The following FKBP5 variants were observed in gnomAD, a reference collection of about 807,000 sequenced individuals.
The protein encoded by FKBP5 is peptidyl-prolyl cis-trans isomerase FKBP5.
Under a neutral mutation model 50.5 loss-of-function variants are expected in FKBP5, and 23 were observed. The ratio of observed to expected loss-of-function variants is 0.46; its 90% CI spans 0.33 to 0.65. FKBP5 has a LOEUF of 0.65. FKBP5 is among the 30% of genes least tolerant of loss of function. FKBP5 has a pLI of 0.02. For missense variants in FKBP5, 411 were observed against 553.1 expected, an observed-to-expected ratio of 0.74 and a Z score of 2.58; for synonymous variants, 176 against 190.6, an observed-to-expected ratio of 0.92 and a Z score of 0.63.
At chr6:35,621,706 G>A (rs1424244456) in intron 3 of FKBP5, among the ~76,000 whole-genome samples, 3 of 151,700 alleles carry the variant, frequency 2.0e-5, no homozygotes, top group Non-Finnish European at 4.4e-5. Flanking sequence ...ACGTTGGCTC[G>A]CGCCTGTAAT....
At chr6:35,634,058 C>G (rs772793918) in intron 3 of FKBP5, among the ~76,000 whole-genome samples, 1 of 152,010 alleles carries the variant, frequency 6.6e-6, no homozygotes, top group Non-Finnish European at 1.5e-5. Flanking sequence ...ACTCATTCAC[C>G]ATAGTGTTTT....
chr6:35,679,122 T>C (rs1765599772), intron 1 of FKBP5, among the ~76,000 whole-genome samples: 1 of 152,170 alleles, frequency 6.6e-6, no homozygotes, highest in Admixed American at 6.6e-5. Context: ...ATGTCAGTAA[T>C]TAATGAATCT....
At chr6:35,626,205 T>C (rs1023276120) in intron 3 of FKBP5, among the ~76,000 whole-genome samples, 2 of 152,186 alleles carry the variant, frequency 1.3e-5, no homozygotes, top group Admixed American at 6.5e-5. Context: ...TATACAAATG[T>C]ATAATATAGC....
At chr6:35,720,119 C>T (rs1766585879) in intron 2 of FKBP5, among the ~76,000 whole-genome samples, 1 of 152,228 alleles carries the variant, frequency 6.6e-6, no homozygotes, top group Admixed American at 6.5e-5. Context: ...TCCGTGCACC[C>T]CCACCCCCAG....
At chr6:35,657,007 C>G (rs755669286) in intron 1 of FKBP5, among the ~76,000 whole-genome samples, 12 of 151,264 alleles carry the variant, frequency 7.9e-5, no homozygotes, top group Non-Finnish European at 1.3e-4. Context: ...GTCAGGAGAT[C>G]GAGACCATCC....
At chr6:35,672,684 C>G (rs4713906) in intron 1 of FKBP5, among the ~76,000 whole-genome samples, 111,316 of 151,478 alleles carry the variant, frequency 0.73, 41,083 homozygotes, top group African/African-American at 0.8. Context: ...CCAGCATTTT[C>G]GGAGGCTGAG....
At chr6:35,581,618 A>C (rs1467833709) in intron 8 of FKBP5, 4 of 935,880 alleles carry the variant, frequency 4.3e-6, no homozygotes, top group South Asian at 1.0e-4. Context: ...AAAACAAAAC[A>C]AAACCCCTCC....
At chr6:35,626,353 A>T (rs1311064237) in intron 3 of FKBP5, among the ~76,000 whole-genome samples, 1 of 152,072 alleles carries the variant, frequency 6.6e-6, no homozygotes, top group Admixed American at 6.6e-5. Context: ...TTTCTGGTTT[A>T]AAAAAATTAT....
intron 10 of FKBP5, among the ~76,000 whole-genome samples, chr6:35,576,292 G>T (rs1022061692): frequency 6.6e-6 from 1 of 152,090 alleles, no homozygotes; most frequent in Non-Finnish European, 1.5e-5. Context: ...CAGGTGTGAT[G>T]ATGGGGCTCC....
chr6:35,694,011 A>G (rs1766043422), intron 2 of FKBP5, among the ~76,000 whole-genome samples: 1 of 147,814 alleles, frequency 6.8e-6, no homozygotes, highest in Non-Finnish European at 1.5e-5. Flanking sequence ...TTTTTACTTT[A>G]AAAAAAAAAT....
intron 2 of FKBP5, among the ~76,000 whole-genome samples, chr6:35,707,491 G>T (rs141155008): frequency 1.4e-4 from 22 of 152,032 alleles, no homozygotes; most frequent in African/African-American, 4.1e-4. Context: ...AAAGTGCTGG[G>T]ATTACAGGCG....
At chr6:35,617,577 A>G (rs1182121298) in intron 5 of FKBP5, among the ~76,000 whole-genome samples, 2 of 152,172 alleles carry the variant, frequency 1.3e-5, no homozygotes. Context: ...TTTGTTCTTA[A>G]TGGAAGTATT....
intron 1 of FKBP5, among the ~76,000 whole-genome samples, chr6:35,665,783 G>A (rs1765198218): frequency 6.6e-6 from 1 of 152,154 alleles, no homozygotes; most frequent in African/African-American, 2.4e-5. Context: ...TGGGTTACGA[G>A]TTTCAACTTT....
chr6:35,637,007 C>A lies in FKBP5; in HGVS notation c.250+7G>T. ...GTAAAACACAACTCAAAAAAATACC[C>A]TCTTACCTTTGCCAAGACTAAAGAC... On this transcript the variant is annotated splice_region_variant and intron_variant, in intron 3 of 10. Coordinates refer to ENST00000357266, the MANE Select transcript of FKBP5 (RefSeq NM_004117.4). 6.3e-7 allele frequency: 1 copy of A among 1,590,718 alleles called. No individual in the cohort carries two copies. The highest frequency in any genetic ancestry group is 8.5e-7 in the Non-Finnish European group (1 of 1,174,344).
chr6:35,602,154 TA>T (rs1246481587), intron 5 of FKBP5, among the ~76,000 whole-genome samples: 5 of 148,774 alleles, frequency 3.4e-5, no homozygotes, highest in Non-Finnish European at 7.5e-5. Flanking sequence ...CCGATTAAAA[TA>T]GGGGGGAAAA....
intron 8 of FKBP5, chr6:35,583,422 C>T: frequency 1.0e-6 from 1 of 984,918 alleles, no homozygotes; most frequent in Non-Finnish European, 1.2e-6. Flanking sequence ...TATTAGACTT[C>T]TTAATAGTTC....
At chr6:35,579,184 C>T (rs187683010) in intron 9 of FKBP5, among the ~76,000 whole-genome samples, 36 of 151,836 alleles carry the variant, frequency 2.4e-4, no homozygotes, top group Admixed American at 6.5e-4. Context: ...TCTCTCTCTC[C>T]GCTCTGTATG....
chr6:35,692,790 CA>C (rs71002588), upstream of FKBP5, among the ~76,000 whole-genome samples: 131 of 105,592 alleles, frequency 1.2e-3, 1 homozygote, highest in African/African-American at 3.2e-3. Flanking sequence ...GACTCTGTCT[CA>C]AAAAAAAAAA....
intron 2 of FKBP5, among the ~76,000 whole-genome samples, chr6:35,710,494 A>G (rs1227224174): frequency 6.6e-6 from 1 of 152,206 alleles, no homozygotes; most frequent in Non-Finnish European, 1.5e-5. Flanking sequence ...AAAAATAAAA[A>G]GCCAATGATA....
Sources: allele counts gnomAD v4.1 joint callset (sites outside exome capture counted in the v4.1 genomes callset), GRCh38; gene constraint gnomAD v4.1.1; transcripts MANE v1.5; gene names NCBI Gene and HGNC (gene_info 2026-07-23, HGNC 2026-07-21).